The following TBXAS1 variants were observed in gnomAD, a reference collection of about 807,000 sequenced individuals.
The protein encoded by TBXAS1 is thromboxane-A synthase.
Under a neutral mutation model 60.7 loss-of-function variants are expected in TBXAS1, and 48 were observed. The ratio of observed to expected loss-of-function variants is 0.79; its 90% CI spans 0.63 to 1.01. The LOEUF (loss-of-function observed/expected upper bound fraction) is 1.01, where lower values mean the gene tolerates loss of function less well. Ranked by LOEUF, TBXAS1 falls within the 50% of genes least tolerant of loss-of-function variation. The probability of loss-of-function intolerance (pLI) is 0.00; values close to 1 mark genes in which losing one functional copy is unlikely to be tolerated. For missense variants in TBXAS1, 685 were observed against 686.3 expected, an observed-to-expected ratio of 1.00 and a Z score of 0.02; for synonymous variants, 287 against 269.7, an observed-to-expected ratio of 1.06 and a Z score of -0.63.
At chr7:139,788,283 C>T (rs969325754) in intron 4 of TBXAS1, among the ~76,000 whole-genome samples, 1 of 152,198 alleles carries the variant, frequency 6.6e-6, no homozygotes, top group Non-Finnish European at 1.5e-5. Context: ...AATCCCTGCT[C>T]TTATCTTATT....
rs1390123391 is a variant in TBXAS1 at position 139,955,727 on chromosome 7, TC to T, written c.688+124del. On this transcript the variant is annotated intron_variant, in intron 7 of 12. Transcript: ENST00000448866. ...CACTGGGAAAGGGCACTCGGGTTGTTCCCCTGCAGAGGCTTTGTCTTATGGA... is the reference window on the plus strand; with the variant it reads ...CACTGGGAAAGGGCACTCGGGTTGTTCCCTGCAGAGGCTTTGTCTTATGGA... The T allele has an allele frequency of 3.4e-6, 5 of 1,449,910 alleles. No homozygotes were observed. The East Asian group carries it at 1.1e-4, about 33-fold the overall frequency. 89.8% of individuals were successfully genotyped at this position (1,449,910 alleles called of 1,614,324 possible). A position where few individuals can be genotyped will look rare whatever the true frequency, so the allele number is the denominator to read the frequency against.
At chr7:139,789,239 TCTTTCTTTCTCC>T (rs1178455301) in intron 4 of TBXAS1, 1 of 151,938 alleles carries the variant, frequency 6.6e-6, no homozygotes, top group Non-Finnish European at 1.5e-5. Flanking sequence ...TCTCTCTCTC[TCTTTCTTTCTCC>T]CTTTCTCCAC....
At chr7:139,893,441 T>C (rs1441025793) in intron 3 of TBXAS1, among the ~76,000 whole-genome samples, 1 of 151,436 alleles carries the variant, frequency 6.6e-6, no homozygotes, top group African/African-American at 2.4e-5. Flanking sequence ...GACAGCCAAA[T>C]GACTATTTTA....
rs8192824 is a variant in TBXAS1, at chr7:139,899,430, G to A, written c.237-11795G>A. 2.6e-5 allele frequency among the ~76,000 whole-genome samples: 4 copies of A among 152,166 alleles called. No individual in the cohort carries two copies. The East Asian group carries it at 7.7e-4, about 29-fold the overall frequency. Reference sequence around the variant, plus strand: ...TCTATTCTACTTAAGTTCCCAGAAGGCGGCTGTGAACTATTTTGGTTTAAC... The same window carrying A: ...TCTATTCTACTTAAGTTCCCAGAAGACGGCTGTGAACTATTTTGGTTTAAC... On this transcript the variant is annotated intron_variant, in intron 3 of 12. Coordinates refer to ENST00000448866, the MANE Select transcript of TBXAS1 (RefSeq NM_001061.7).
At chr7:139,881,466 A>G (rs1216759398) in intron 3 of TBXAS1, among the ~76,000 whole-genome samples, 1 of 151,334 alleles carries the variant, frequency 6.6e-6, no homozygotes, top group South Asian at 2.1e-4. Context: ...CCCCCCCTCC[A>G]GGAGGGTAGA....
intron 12 of TBXAS1, among the ~76,000 whole-genome samples, chr7:140,018,195 T>C (rs986509453): frequency 1.3e-5 from 2 of 152,156 alleles, no homozygotes; most frequent in African/African-American, 2.4e-5. Context: ...ACACAGACAA[T>C]GGCATTTGCA....
At chr7:139,984,885 A>C (rs1812308350) in intron 9 of TBXAS1, among the ~76,000 whole-genome samples, 1 of 150,348 alleles carries the variant, frequency 6.7e-6, no homozygotes, top group Non-Finnish European at 1.5e-5. Flanking sequence ...AAAGAAAAGA[A>C]AGAAAGCAGC....
In TBXAS1 at chr7:139,923,062, C is replaced by T. The variant is rs1018279637; in HGVS notation, c.333+11741C>T. Among the ~76,000 whole-genome samples, 15 of 152,226 alleles carry T rather than the reference C, an allele frequency of 9.9e-5. No individual in the cohort carries two copies. In the South Asian group the frequency reaches 1.2e-3, roughly 13 times the overall value. On this transcript the variant is annotated intron_variant, in intron 4 of 12. Coordinates refer to ENST00000448866, the MANE Select transcript of TBXAS1 (RefSeq NM_001061.7). The stretch of plus-strand genomic sequence containing the variant: ...CAGTGTGGCCAGGCACGGTGGCTAA[C>T]GCCTATAATTTTGGGAAGGCCAAGG...
At chr7:139,996,590 T>C (rs527528064) in intron 9 of TBXAS1, among the ~76,000 whole-genome samples, 7 of 152,216 alleles carry the variant, frequency 4.6e-5, no homozygotes, top group Admixed American at 3.9e-4. Context: ...TCTTTCTGTG[T>C]TTCTCTCAGC....
chr7:139,784,241 TTC>T (rs1427998140), intron 3 of TBXAS1, among the ~76,000 whole-genome samples: 1 of 146,812 alleles, frequency 6.8e-6, no homozygotes, highest in African/African-American at 2.5e-5. Flanking sequence ...TCTCTCTCTC[TTC>T]CTTCCTTCCT....
intron 1 of TBXAS1, among the ~76,000 whole-genome samples, chr7:139,858,117 C>A (rs150895623): frequency 6.6e-6 from 1 of 152,180 alleles, no homozygotes; most frequent in Non-Finnish European, 1.5e-5. Flanking sequence ...AAGGCAGTTT[C>A]TTTGCAGTGC....
intron 10 of TBXAS1, among the ~76,000 whole-genome samples, chr7:140,007,673 G>T (rs774719197): frequency 1.3e-5 from 2 of 152,046 alleles, no homozygotes; most frequent in Non-Finnish European, 2.9e-5. Flanking sequence ...AACACCCCCA[G>T]CTGTCCCATC....
intron 12 of TBXAS1, 61 bp from the exon 13 acceptor site, chr7:140,019,964 T>G: frequency 6.5e-7 from 1 of 1,537,640 alleles, no homozygotes; most frequent in Non-Finnish European, 9.0e-7. Flanking sequence ...CTCCAAGTCT[T>G]CATTTGTACA....
At chr7:139,860,896 G>A (rs952943541) in intron 1 of TBXAS1, among the ~76,000 whole-genome samples, 11 of 152,304 alleles carry the variant, frequency 7.2e-5, no homozygotes, top group Non-Finnish European at 1.3e-4. Context: ...CTTCGCAGCC[G>A]GGGGCGGTGG....
At chr7:140,016,962 A>T (rs1194377484) in intron 11 of TBXAS1, 1 of 152,726 alleles carries the variant, frequency 6.5e-6, no homozygotes, top group Non-Finnish European at 1.5e-5. Flanking sequence ...GCCCAGGGGT[A>T]GTAAAAAGTG....
chr7:139,889,345 C>T (rs543576597), intron 3 of TBXAS1, among the ~76,000 whole-genome samples: 1 of 151,960 alleles, frequency 6.6e-6, no homozygotes, highest in South Asian at 2.1e-4. Flanking sequence ...AGAAAATGTC[C>T]TAAAAATGCA....
At position 139,962,040 on chromosome 7, in the gene TBXAS1, C is replaced by A. The variant is rs1810401337; in HGVS notation, c.941C>A (p.Ser314Tyr). ...TCTACTGGGTGCAAGCCGAACCCTT[C>A]CCGGCAACACCAGCCCAGCCCTATG... ...FSSTGCKPNP[S>Y]RQHQPSPMAR... Residue 314 changes from serine (S) to tyrosine (Y), a missense_variant, in exon 9 of 13, where the codon TCC (serine) becomes TAC (tyrosine). Ser to Tyr is a moderately radical substitution (Grantham distance 144). Transcript: ENST00000448866. The A allele has an allele frequency of 6.2e-7, 1 of 1,614,062 alleles. No individual in the cohort carries two copies. Among genetic ancestry groups the A allele is most frequent in the Admixed American group, 1.7e-5 (1 of 60,004 alleles).
At chr7:139,848,381 C>T (rs1181416108) in intron 1 of TBXAS1, among the ~76,000 whole-genome samples, 1 of 152,142 alleles carries the variant, frequency 6.6e-6, no homozygotes, top group East Asian at 1.9e-4. Flanking sequence ...ATTATAATGC[C>T]AGGGCCCCAT....
At chr7:139,964,271 T>C (rs1323785918) in intron 9 of TBXAS1, among the ~76,000 whole-genome samples, 2 of 152,096 alleles carry the variant, frequency 1.3e-5, no homozygotes, top group Admixed American at 1.3e-4. Context: ...TTTTAGTAGA[T>C]ACGGGGTTTC....
Sources: allele counts gnomAD v4.1 joint callset (sites outside exome capture counted in the v4.1 genomes callset), GRCh38; gene constraint gnomAD v4.1.1; transcripts MANE v1.5; gene names NCBI Gene and HGNC (gene_info 2026-07-23, HGNC 2026-07-21).